CCDC60: variants seen among roughly 807,000 people sequenced by gnomAD.
CCDC60 encodes coiled-coil domain containing 60.
In CCDC60, 54 loss-of-function variants were observed where a neutral mutation model predicts 63.5. That is an observed-to-expected ratio of 0.85 (90% CI 0.68 to 1.07). The LOEUF is 1.07. Ranked by LOEUF, CCDC60 falls within the 50% of genes least tolerant of loss-of-function variation. The pLI, the probability that CCDC60 is intolerant of heterozygous loss-of-function variation, is 0.00. For missense variants in CCDC60, 651 were observed against 684.3 expected (o/e 0.95, Z 0.54); for synonymous variants, 206 against 238.8 (o/e 0.86, Z 1.27).
chr12:119,377,254 C>CAA (rs60100165), intron 1 of CCDC60, among the ~76,000 whole-genome samples: 536 of 47,212 alleles, frequency 0.011, 18 homozygotes, highest in Middle Eastern at 0.015. Context: ...CACTCCATCT[C>CAA]AAAAAAAAAA....
At chr12:119,484,495 C>T (rs554223945) in intron 4 of CCDC60, among the ~76,000 whole-genome samples, 1 of 151,948 alleles carries the variant, frequency 6.6e-6, no homozygotes, top group Admixed American at 6.6e-5. Flanking sequence ...GCAGGCGGAT[C>T]GCTTGAGCCC....
rs6490254 is a variant in CCDC60 at position 119,423,628 on chromosome 12, C to G, written c.91-5055C>G. Among the ~76,000 whole-genome samples the G allele has an allele frequency of 3.6e-3, 553 of 152,340 alleles. 6 individuals carry two copies. The highest frequency in any genetic ancestry group is 0.013 in the African/African-American group (521 of 41,576). ...CATGAGTCTAGCTTATGCCAAGTGGCCCTATTCCAGGGCTTCTGAAGGCCA... is the reference window on the plus strand; with the variant it reads ...CATGAGTCTAGCTTATGCCAAGTGGGCCTATTCCAGGGCTTCTGAAGGCCA... On this transcript the variant is annotated intron_variant, in intron 1 of 13. Coordinates refer to ENST00000327554, the MANE Select transcript of CCDC60 (RefSeq NM_178499.5).
intron 2 of CCDC60, among the ~76,000 whole-genome samples, chr12:119,451,625 T>A (rs1443907616): frequency 6.6e-6 from 1 of 152,200 alleles, no homozygotes; most frequent in Non-Finnish European, 1.5e-5. Context: ...GGCCCTCAAA[T>A]GCCATCTAGA....
intron 2 of CCDC60, among the ~76,000 whole-genome samples, chr12:119,471,667 C>A (rs573991484): frequency 3.3e-5 from 5 of 152,124 alleles, no homozygotes; most frequent in Non-Finnish European, 7.4e-5. Flanking sequence ...CTGGCTGAGT[C>A]TGGAAATCTA....
chr12:119,445,649 A>G (rs1950531371), intron 2 of CCDC60, among the ~76,000 whole-genome samples: 1 of 152,110 alleles, frequency 6.6e-6, no homozygotes, highest in Admixed American at 6.5e-5. Context: ...CATTTTTTAA[A>G]AGTGAATGGC....
chr12:119,413,878 A>C (rs1252575708), intron 1 of CCDC60, among the ~76,000 whole-genome samples: 1 of 152,152 alleles, frequency 6.6e-6, no homozygotes, highest in Non-Finnish European at 1.5e-5. Context: ...CACAGAAGAG[A>C]GGGAGAAGGT....
chr12:119,461,452 C>T (rs1038170519), intron 2 of CCDC60, among the ~76,000 whole-genome samples: 8 of 152,094 alleles, frequency 5.3e-5, no homozygotes, highest in African/African-American at 1.7e-4. Context: ...GGCTTCCTTC[C>T]TTCTGTCCCT....
rs548976094 is a variant in CCDC60, at chr12:119,467,999, G to C, written c.171-3995G>C. 5.3e-5 allele frequency among the ~76,000 whole-genome samples: 8 copies of C among 152,098 alleles called. No individual in the cohort carries two copies. The East Asian group carries it at 1.6e-3, about 30-fold the overall frequency. ...TTAAATATAAAAGCCAGGCAGCCAGGCACGGTGGCTCATGCCTGTAATCCC... is the reference window on the plus strand; with the variant it reads ...TTAAATATAAAAGCCAGGCAGCCAGCCACGGTGGCTCATGCCTGTAATCCC... On this transcript the variant is annotated intron_variant, in intron 2 of 13. Coordinates refer to ENST00000327554, the MANE Select transcript of CCDC60 (RefSeq NM_178499.5).
chr12:119,378,506 T>C (rs1955977158), intron 1 of CCDC60, among the ~76,000 whole-genome samples: 1 of 152,222 alleles, frequency 6.6e-6, no homozygotes, highest in Non-Finnish European at 1.5e-5. Context: ...GAACCTCAAT[T>C]AATCTTTACA....
chr12:119,519,851 A>T (rs1480306686), intron 8 of CCDC60, among the ~76,000 whole-genome samples: 1 of 138,188 alleles, frequency 7.2e-6, no homozygotes, highest in South Asian at 2.3e-4. Context: ...AGAGAGAGAG[A>T]GAGAGTGTGT....
chr12:119,504,186 G>A (rs1951929918), intron 6 of CCDC60, among the ~76,000 whole-genome samples: 1 of 152,144 alleles, frequency 6.6e-6, no homozygotes, highest in African/African-American at 2.4e-5. Context: ...CCTAACTTAG[G>A]TCTGAATTCT....
chr12:119,390,235 G>A (rs1565981488), intron 1 of CCDC60, among the ~76,000 whole-genome samples: 1 of 152,054 alleles, frequency 6.6e-6, no homozygotes, highest in East Asian at 1.9e-4. Context: ...ACACACTTTT[G>A]TCCTTCTTTG....
chr12:119,389,346 T>C (rs1956115247), intron 1 of CCDC60, among the ~76,000 whole-genome samples: 1 of 152,194 alleles, frequency 6.6e-6, no homozygotes, highest in Admixed American at 6.5e-5. Context: ...TTTCTTTACA[T>C]ATGGTCTATG....
At chr12:119,431,362 A>T (rs1950225156) in intron 2 of CCDC60, among the ~76,000 whole-genome samples, 1 of 152,198 alleles carries the variant, frequency 6.6e-6, no homozygotes. Flanking sequence ...AACTGAAGCT[A>T]TTCTCTTGTG....
At position 119,362,731 on chromosome 12, in the gene CCDC60, C is replaced by T. The variant is rs559301947; in HGVS notation, c.90+27465C>T. 3.4e-4 allele frequency among the ~76,000 whole-genome samples: 52 copies of T among 152,220 alleles called. 3 individuals carry two copies. In the South Asian group the frequency reaches 0.011, roughly 31 times the overall value. On this transcript the variant is annotated intron_variant, in intron 1 of 13. Transcript: ENST00000327554. ...TTATGAGTAAATCTTCTTGGACATTCTTTTACATGTCTTTTGGGTGAACAT... is the reference window on the plus strand; with the variant it reads ...TTATGAGTAAATCTTCTTGGACATTTTTTTACATGTCTTTTGGGTGAACAT...
chr12:119,488,655 G>A, intron 4 of CCDC60, 104 bp from the exon 5 acceptor site: 1 of 926,462 alleles, frequency 1.1e-6, no homozygotes, highest in Non-Finnish European at 1.7e-6. Flanking sequence ...CATGGTGCCT[G>A]CTCCCTCACT....
chr12:119,399,533 G>A (rs370115342), intron 1 of CCDC60, among the ~76,000 whole-genome samples: 6 of 152,240 alleles, frequency 3.9e-5, no homozygotes, highest in Non-Finnish European at 5.9e-5. Flanking sequence ...AGTGCGTGTC[G>A]GGTGCAGACC....
chr12:119,388,654 G>A (rs1358681384), intron 1 of CCDC60, among the ~76,000 whole-genome samples: 1 of 152,120 alleles, frequency 6.6e-6, no homozygotes. Flanking sequence ...GATTTGCAAA[G>A]TTTCTATATG....
intron 1 of CCDC60, among the ~76,000 whole-genome samples, chr12:119,424,923 C>T (rs568852479): frequency 4.6e-5 from 7 of 151,974 alleles, no homozygotes; most frequent in South Asian, 4.2e-4. Flanking sequence ...AAGTTGAGGA[C>T]GCAATTCAGT....
Sources: gnomAD v4.1 joint callset for allele counts (sites outside exome capture counted in the v4.1 genomes callset) on GRCh38, gnomAD v4.1.1 for gene constraint, MANE v1.5 for transcripts, NCBI Gene and HGNC (gene_info 2026-07-23, HGNC 2026-07-21) for gene names.